The following NUP50 variants were observed in gnomAD, a reference collection of about 807,000 sequenced individuals.
The protein encoded by NUP50 is nuclear pore complex protein Nup50.
A neutral mutation model predicts 36.8 loss-of-function variants in NUP50; 14 were observed. That is an observed-to-expected ratio of 0.38 (90% CI 0.25 to 0.59). The LOEUF (loss-of-function observed/expected upper bound fraction) is 0.59, where lower values mean the gene tolerates loss of function less well. Ranked by LOEUF, NUP50 falls within the 20% of genes least tolerant of loss-of-function variation. The pLI is 0.63. For synonymous variants in NUP50, 195 were observed against 210.8 expected (o/e 0.93, Z 0.65); for missense variants, 455 against 564.6 (o/e 0.81, Z 1.97).
chr22:45,168,607 T>G (rs1222917505), intron 2 of NUP50, among the ~76,000 whole-genome samples: 1 of 152,204 alleles, frequency 6.6e-6, no homozygotes, highest in Non-Finnish European at 1.5e-5. Context: ...CTGAGTTAAG[T>G]GATGTAGTCA....
chr22:45,175,559 T>C (rs1342278592), intron 3 of NUP50, among the ~76,000 whole-genome samples: 1 of 152,222 alleles, frequency 6.6e-6, no homozygotes, highest in Non-Finnish European at 1.5e-5. Context: ...TTTAGTTTTA[T>C]TGAGCCGCTT....
chr22:45,170,490 A>C lies in NUP50; in HGVS notation c.70-1110A>C, dbSNP rs969705662. On this transcript the variant is annotated intron_variant, in intron 2 of 7. Coordinates refer to ENST00000347635, the MANE Select transcript of NUP50 (RefSeq NM_007172.4). ...AAAAAAGAAAAATGTTAAAACTGCAACTGTTTCCAAGCTTATTCTTAGACG... is the reference window on the plus strand; with the variant it reads ...AAAAAAGAAAAATGTTAAAACTGCACCTGTTTCCAAGCTTATTCTTAGACG... Among the ~76,000 whole-genome samples, 6 of 152,166 alleles carry C rather than the reference A, an allele frequency of 3.9e-5. No homozygotes were observed. In the South Asian group the frequency reaches 1.2e-3, roughly 32 times the overall value.
intron 2 of NUP50, 138 bp from the exon 3 acceptor site, chr22:45,171,462 G>A (rs2074193044): frequency 1.3e-6 from 1 of 776,816 alleles, no homozygotes; most frequent in Non-Finnish European, 2.1e-6. Context: ...TATTATAGGC[G>A]CAAGCCATTG....
intron 6 of NUP50, among the ~76,000 whole-genome samples, chr22:45,181,693 C>T (rs748863214): frequency 6.6e-6 from 1 of 152,134 alleles, no homozygotes; most frequent in Non-Finnish European, 1.5e-5. Context: ...TCTCCCTCCC[C>T]TTCCTCCTCC....
chr22:45,177,373 G>A (rs531441981), intron 4 of NUP50, among the ~76,000 whole-genome samples: 1 of 152,200 alleles, frequency 6.6e-6, no homozygotes, highest in South Asian at 2.1e-4. Flanking sequence ...TAGAGATGGG[G>A]TTTTGCCATG....
Position 45,184,773 on chromosome 22 carries a change from C to CT in NUP50, c.*122dup. The CT allele has an allele frequency of 1.4e-6, 1 of 727,918 alleles. No individual in the cohort carries two copies. 45.1% of individuals were successfully genotyped at this position (727,918 alleles called of 1,614,324 possible). A position where few individuals can be genotyped will look rare whatever the true frequency, so the allele number is the denominator to read the frequency against. On this transcript the variant is annotated 3_prime_UTR_variant, in exon 8 of 8. Transcript: ENST00000347635. ...CTAAGAACTTATAGATAACTTAAAA[C>CT]TTTTGTGAGGAAGATTAATGTGGCC...
chr22:45,166,785 C>G (rs4140644), intron 1 of NUP50, among the ~76,000 whole-genome samples: 69,194 of 151,438 alleles, frequency 0.46, 16,359 homozygotes, highest in Middle Eastern at 0.52. Context: ...AAAACTTAAC[C>G]AAGTGTTTTT....
At chr22:45,182,015 A>G (rs2074381152) in intron 6 of NUP50, among the ~76,000 whole-genome samples, 1 of 152,244 alleles carries the variant, frequency 6.6e-6, no homozygotes, top group Admixed American at 6.5e-5. Flanking sequence ...AGGTCACCAC[A>G]TCCTGTGGGA....
chr22:45,184,498 C>T lies in NUP50; in HGVS notation c.1250C>T (p.Thr417Met), dbSNP rs750750184. 73 of 1,613,730 alleles carry T rather than the reference C, an allele frequency of 4.5e-5. No homozygotes were observed. Among genetic ancestry groups the T allele is most frequent in the Non-Finnish European group, 5.5e-5 (65 of 1,179,810 alleles). Residue 417 changes from threonine (T) to methionine (M), a missense_variant, in exon 8 of 8, where the codon ACG becomes ATG. Transcript: ENST00000347635. ...NVLIPPNMPC[T>M]RTGKNNVLIV... Reference sequence around the variant, plus strand: ...CTGATTCCACCCAATATGCCATGTACGCGAACAGGGAAGAATAACGTTCTT... The same window carrying T: ...CTGATTCCACCCAATATGCCATGTATGCGAACAGGGAAGAATAACGTTCTT...
intron 3 of NUP50, among the ~76,000 whole-genome samples, chr22:45,172,535 C>G (rs2147676297): frequency 6.6e-6 from 1 of 152,154 alleles, no homozygotes. Context: ...TGCAGACTTC[C>G]TGGGAGCGGA....
rs1063693 is a variant in NUP50 at position 45,184,692 on chromosome 22, C to T, written c.*37C>T. On this transcript the variant is annotated 3_prime_UTR_variant, in exon 8 of 8. Coordinates refer to ENST00000347635, the MANE Select transcript of NUP50 (RefSeq NM_007172.4). ...CGGCTGCAGAATTATTGCCAAGTTGCTGCTGCTTCCACCGCCCCTTAAAGT... is the reference window on the plus strand; with the variant it reads ...CGGCTGCAGAATTATTGCCAAGTTGTTGCTGCTTCCACCGCCCCTTAAAGT... 2.5e-6 allele frequency: 2 copies of T among 792,508 alleles called. No homozygotes were observed. The highest frequency in any genetic ancestry group is 4.2e-5 in the East Asian group (1 of 23,844). 49.1% of individuals were successfully genotyped at this position (792,508 alleles called of 1,614,324 possible).
Position 45,184,527 on chromosome 22 carries a change from G to A in NUP50, c.1279G>A (p.Val427Ile), listed in dbSNP as rs777885408. The A allele has an allele frequency of 1.1e-5, 17 of 1,613,394 alleles. No homozygotes were observed. The highest frequency in any genetic ancestry group is 1.6e-4 in the Middle Eastern group (1 of 6,078). ...AACAGGGAAGAATAACGTTCTTATC[G>A]TCTGTGTTCCAAATCCACCAATTGA... ...TRTGKNNVLI[V>I]CVPNPPIDEK... is the part of the protein sequence containing the mutation. Residue 427 changes from valine (V) to isoleucine (I), a missense_variant, in exon 8 of 8, where the codon GTC becomes ATC. Val to Ile is a conservative substitution (Grantham distance 29). This residue lies in a region of NUP50 where 287 missense variants were observed against 345.5 expected (regional missense o/e 0.83). Transcript: ENST00000347635.
intron 3 of NUP50, among the ~76,000 whole-genome samples, chr22:45,172,533 TC>T (rs1055907139): frequency 3.9e-5 from 6 of 152,054 alleles, no homozygotes; most frequent in African/African-American, 7.3e-5. Context: ...AATGCAGACT[TC>T]CTGGGAGCGG....
chr22:45,171,290 G>A (rs2147673451), intron 2 of NUP50: 4 of 709,790 alleles, frequency 5.6e-6, no homozygotes, highest in South Asian at 2.3e-5. Flanking sequence ...TCCACCTCCC[G>A]GAGGGTTCAA....
chr22:45,176,842 A>T lies in NUP50; in HGVS notation c.340+762A>T, dbSNP rs2074283917. Among the ~76,000 whole-genome samples the T allele has an allele frequency of 2.6e-5, 4 of 152,058 alleles. No homozygotes were observed. In the South Asian group the frequency reaches 8.3e-4, roughly 32 times the overall value. ...ACTGCAGCCTCCGCCTCTGGGTTTA[A>T]GCGATTCTCCTGCCTCAGCCTCCCG... On this transcript the variant is annotated intron_variant, in intron 4 of 7. Transcript: ENST00000347635.
Position 45,184,769 on chromosome 22 carries a change from A to C in NUP50, c.*114A>C. On this transcript the variant is annotated 3_prime_UTR_variant, in exon 8 of 8. Transcript: ENST00000347635. ...CATTCTAAGAACTTATAGATAACTTAAAACTTTTGTGAGGAAGATTAATGT... is the reference window on the plus strand; with the variant it reads ...CATTCTAAGAACTTATAGATAACTTCAAACTTTTGTGAGGAAGATTAATGT... 2.6e-6 allele frequency: 2 copies of C among 755,764 alleles called. No homozygotes were observed. Among genetic ancestry groups the C allele is most frequent in the Non-Finnish European group, 4.4e-6 (2 of 455,006 alleles). 46.8% of individuals were successfully genotyped at this position (755,764 alleles called of 1,614,324 possible).
chr22:45,179,386 G>A (rs1238044767), intron 5 of NUP50: 1 of 154,112 alleles, frequency 6.5e-6, no homozygotes, highest in Non-Finnish European at 1.4e-5. Context: ...CCTCCTGTGG[G>A]TTTGGAGGCG....
chr22:45,170,487 GCAACTGTTTC>G (rs951654590), intron 2 of NUP50, among the ~76,000 whole-genome samples: 1 of 152,126 alleles, frequency 6.6e-6, no homozygotes, highest in African/African-American at 2.4e-5. Context: ...TGTTAAAACT[GCAACTGTTTC>G]CAAGCTTATT....
chr22:45,184,508 G>A lies in NUP50; in HGVS notation c.1260G>A (p.Gly420=). Residue 420 remains glycine (G), a synonymous_variant, in exon 8 of 8, where the codon GGG becomes GGA. Coordinates refer to ENST00000347635, the MANE Select transcript of NUP50 (RefSeq NM_007172.4). ...IPPNMPCTRT[G]KNNVLIVCVP... is the part of the protein sequence containing the mutation. ...CCAATATGCCATGTACGCGAACAGG[G>A]AAGAATAACGTTCTTATCGTCTGTG... 6.2e-7 allele frequency: 1 copy of A among 1,613,910 alleles called. No individual in the cohort carries two copies. Among genetic ancestry groups the A allele is most frequent in the Non-Finnish European group, 8.5e-7 (1 of 1,179,816 alleles).
Sources: allele counts gnomAD v4.1 joint callset (sites outside exome capture counted in the v4.1 genomes callset), GRCh38; gene constraint gnomAD v4.1.1; regional missense constraint gnomAD v4.1.1; transcripts MANE v1.5; gene names NCBI Gene and HGNC (gene_info 2026-07-23, HGNC 2026-07-21).